GPC6: variants seen among roughly 807,000 people sequenced by gnomAD.
The protein encoded by GPC6 is glypican-6.
GPC6 carries 14 observed loss-of-function variants against 55.2 expected under a neutral mutation model. The observed-to-expected ratio is 0.25, with a 90% CI of 0.17 to 0.40. The LOEUF (loss-of-function observed/expected upper bound fraction) is 0.40. GPC6 is among the 10% of genes least tolerant of loss of function. The pLI is 1.00. For synonymous variants in GPC6, 278 were observed against 259.6 expected, an observed-to-expected ratio of 1.07 and a Z score of -0.68; for missense variants, 641 against 708.5, an observed-to-expected ratio of 0.90 and a Z score of 1.08.
At chr13:93,931,396 T>C (rs1878162823) in intron 3 of GPC6, among the ~76,000 whole-genome samples, 1 of 129,994 alleles carries the variant, frequency 7.7e-6, no homozygotes, top group East Asian at 2.3e-4. Flanking sequence ...CGGTTCCAAA[T>C]AGCATAGTTA....
chr13:94,144,089 A>G (rs1363375304), intron 4 of GPC6, among the ~76,000 whole-genome samples: 1 of 152,096 alleles, frequency 6.6e-6, no homozygotes, highest in Non-Finnish European at 1.5e-5. Context: ...TTGCATTATC[A>G]TTACAAAAGT....
At chr13:93,691,277 G>T (rs139204613) in intron 2 of GPC6, among the ~76,000 whole-genome samples, 1 of 152,116 alleles carries the variant, frequency 6.6e-6, no homozygotes, top group Non-Finnish European at 1.5e-5. Flanking sequence ...TAGTTATAAT[G>T]TAGAGAAGTG....
At position 93,901,483 on chromosome 13, in the gene GPC6, A is replaced by G. The variant is rs1462588877; in HGVS notation, c.711+70938A>G. On this transcript the variant is annotated intron_variant, in intron 3 of 8. Coordinates refer to ENST00000377047, the MANE Select transcript of GPC6 (RefSeq NM_005708.5). Reference sequence around the variant, plus strand: ...TTGAAAAGACTCCCGTTTAAAAAATATTTTTCAGTATTTTTAATACTGATT... The same window carrying G: ...TTGAAAAGACTCCCGTTTAAAAAATGTTTTTCAGTATTTTTAATACTGATT... Among the ~76,000 whole-genome samples the G allele has an allele frequency of 2.6e-5, 4 of 152,126 alleles. No homozygotes were observed. The East Asian group carries it at 7.7e-4, about 29-fold the overall frequency.
At chr13:94,234,887 A>G (rs9589938) in intron 4 of GPC6, among the ~76,000 whole-genome samples, 17,228 of 152,120 alleles carry the variant, frequency 0.11, 1,485 homozygotes, top group African/African-American at 0.24. Flanking sequence ...GCATAATTCC[A>G]CTTATATGAG....
chr13:93,974,474 A>G (rs1192995655), intron 3 of GPC6, among the ~76,000 whole-genome samples: 1 of 152,182 alleles, frequency 6.6e-6, no homozygotes, highest in Non-Finnish European at 1.5e-5. Context: ...CTATAGTTAC[A>G]CATTCTAATG....
intron 1 of GPC6, among the ~76,000 whole-genome samples, chr13:93,333,445 AT>A (rs568182411): frequency 1.2e-3 from 169 of 142,150 alleles, no homozygotes; most frequent in Non-Finnish European, 1.9e-3. Flanking sequence ...TAGTTATTTG[AT>A]TTTTTTTGTA....
upstream of GPC6, among the ~76,000 whole-genome samples, chr13:93,226,052 G>T (rs319520): frequency 0.96 from 145,689 of 152,250 alleles, 70,031 homozygotes; most frequent in East Asian, 1. Flanking sequence ...CAGAACATCA[G>T]TGTAAATGGA....
At chr13:93,919,928 G>C (rs1307907923) in intron 3 of GPC6, among the ~76,000 whole-genome samples, 2 of 152,150 alleles carry the variant, frequency 1.3e-5, no homozygotes, top group Non-Finnish European at 2.9e-5. Flanking sequence ...GCGTAGACAC[G>C]CACTCACTCC....
chr13:93,945,328 A>G (rs1175510056), intron 3 of GPC6, among the ~76,000 whole-genome samples: 1 of 152,210 alleles, frequency 6.6e-6, no homozygotes, highest in South Asian at 2.1e-4. Flanking sequence ...CCAACTGAGA[A>G]TAAGGACTAA....
intron 1 of GPC6, among the ~76,000 whole-genome samples, chr13:93,261,967 CTT>C (rs1402235539): frequency 6.9e-6 from 1 of 145,624 alleles, no homozygotes; most frequent in Admixed American, 7.0e-5. Flanking sequence ...CACACACACA[CTT>C]GCATATATTA....
intron 4 of GPC6, among the ~76,000 whole-genome samples, chr13:94,100,015 T>C (rs1885799030): frequency 6.6e-6 from 1 of 152,156 alleles, no homozygotes; most frequent in Non-Finnish European, 1.5e-5. Flanking sequence ...TTGGCTACTG[T>C]GCTTAATACC....
At chr13:93,915,305 C>G (rs1189669534) in intron 3 of GPC6, among the ~76,000 whole-genome samples, 17 of 152,188 alleles carry the variant, frequency 1.1e-4, no homozygotes, top group Admixed American at 1.1e-3. Context: ...TCACCCAGAG[C>G]ATAAATGATG....
intron 4 of GPC6, among the ~76,000 whole-genome samples, chr13:94,058,514 A>G (rs1884209882): frequency 6.6e-6 from 1 of 152,208 alleles, no homozygotes; most frequent in South Asian, 2.1e-4. Flanking sequence ...TTATTAAGAC[A>G]AGTCCCACAC....
chr13:93,840,042 G>A (rs1352552402), intron 3 of GPC6, among the ~76,000 whole-genome samples: 2 of 152,012 alleles, frequency 1.3e-5, no homozygotes, highest in East Asian at 1.9e-4. Context: ...AAAAGGATTG[G>A]TGCCAATTCT....
At chr13:94,202,229 G>A (rs1889774459) in intron 4 of GPC6, among the ~76,000 whole-genome samples, 1 of 152,064 alleles carries the variant, frequency 6.6e-6, no homozygotes, top group African/African-American at 2.4e-5. Context: ...AGCATATCAA[G>A]AACTAAATGA....
intron 2 of GPC6, among the ~76,000 whole-genome samples, chr13:93,656,786 A>G (rs1289186174): frequency 6.6e-6 from 1 of 152,136 alleles, no homozygotes; most frequent in Admixed American, 6.5e-5. Context: ...TGCAAAAATC[A>G]CTAGCATTTC....
At chr13:93,825,694 A>G (rs1887205283) in intron 2 of GPC6, among the ~76,000 whole-genome samples, 1 of 152,116 alleles carries the variant, frequency 6.6e-6, no homozygotes, top group East Asian at 1.9e-4. Flanking sequence ...GATCTCAAAG[A>G]TATATCTGAA....
In GPC6 at chr13:94,081,720, A is replaced by G. The variant is rs114124830; in HGVS notation, c.877+53826A>G. 3.6e-3 allele frequency among the ~76,000 whole-genome samples: 553 copies of G among 152,280 alleles called. 6 individuals carry two copies. Among genetic ancestry groups the G allele is most frequent in the African/African-American group, 0.013 (532 of 41,550 alleles). ...CAGGTTGCAAAGCCCAATTATATAT[A>G]TTTAACTATCTTGCTAAGTCCAGGC... On this transcript the variant is annotated intron_variant, in intron 4 of 8. Coordinates refer to ENST00000377047, the MANE Select transcript of GPC6 (RefSeq NM_005708.5).
chr13:93,336,257 A>C (rs1330778159), intron 1 of GPC6, among the ~76,000 whole-genome samples: 2 of 152,196 alleles, frequency 1.3e-5, no homozygotes, highest in African/African-American at 4.8e-5. Context: ...AAGTTTTTGC[A>C]GATAATGTGT....
Sources: gnomAD v4.1 joint callset for allele counts (sites outside exome capture counted in the v4.1 genomes callset) on GRCh38, gnomAD v4.1.1 for gene constraint, MANE v1.5 for transcripts, NCBI Gene and HGNC (gene_info 2026-07-23, HGNC 2026-07-21) for gene names.